Variants in PLCL2 observed in about 807,000 individuals in gnomAD.
PLCL2 encodes the protein phospholipase C like 2.
In PLCL2, 4 loss-of-function variants were observed where a neutral mutation model predicts 79.6. The observed-to-expected ratio is 0.05, with a 90% confidence interval of 0.02 to 0.11. The LOEUF is 0.11. Among genes scored for constraint, PLCL2 ranks in the 10% least tolerant of loss-of-function variants. The pLI is 1.00. For missense variants in PLCL2, 895 were observed against 1,291.0 expected (o/e 0.69, Z 4.70); for synonymous variants, 484 against 457.7 (o/e 1.06, Z -0.73).
At chr3:16,980,391 C>T (rs1327998935) in intron 1 of PLCL2, among the ~76,000 whole-genome samples, 8 of 148,046 alleles carry the variant, frequency 5.4e-5, no homozygotes, top group Admixed American at 1.3e-4. Flanking sequence ...GGGCGGCTGC[C>T]GGCCGGAGGG....
chr3:17,050,510 A>G (rs1313070925), intron 4 of PLCL2, among the ~76,000 whole-genome samples: 2 of 152,232 alleles, frequency 1.3e-5, no homozygotes, highest in Non-Finnish European at 2.9e-5. Context: ...TTCTCAAAAG[A>G]AGACATACAA....
At chr3:16,932,616 C>T (rs992768094) in intron 1 of PLCL2, among the ~76,000 whole-genome samples, 1 of 152,150 alleles carries the variant, frequency 6.6e-6, no homozygotes, top group Non-Finnish European at 1.5e-5. Flanking sequence ...CATTGCAGTT[C>T]TCTTTTTGGA....
At chr3:17,005,576 C>G (rs1195021625) in intron 1 of PLCL2, among the ~76,000 whole-genome samples, 1 of 152,072 alleles carries the variant, frequency 6.6e-6, no homozygotes, top group African/African-American at 2.4e-5. Flanking sequence ...AAATATGAGT[C>G]GTATAAACAT....
At chr3:17,088,587 A>G (rs1438504747) in intron 5 of PLCL2, among the ~76,000 whole-genome samples, 1 of 152,212 alleles carries the variant, frequency 6.6e-6, no homozygotes, top group East Asian at 1.9e-4. Context: ...GCACCACATC[A>G]TCTCTTCTGC....
intron 2 of PLCL2, among the ~76,000 whole-genome samples, chr3:17,014,379 A>G (rs764183946): frequency 6.6e-6 from 1 of 152,106 alleles, no homozygotes; most frequent in Non-Finnish European, 1.5e-5. Flanking sequence ...TGCAGAAGCT[A>G]TTCGCTCTGT....
At chr3:16,898,560 G>C (rs1696539659) in intron 1 of PLCL2, among the ~76,000 whole-genome samples, 2 of 152,340 alleles carry the variant, frequency 1.3e-5, no homozygotes, top group African/African-American at 4.8e-5. Flanking sequence ...TAGCCACATA[G>C]CAAGCGTTCT....
intron 3 of PLCL2, among the ~76,000 whole-genome samples, chr3:17,018,548 G>T (rs906662304): frequency 1.3e-5 from 2 of 151,948 alleles, no homozygotes; most frequent in African/African-American, 4.8e-5. Flanking sequence ...TTTTTCAACA[G>T]ATGGGGCCTG....
At chr3:17,088,290 G>T (rs753917044) in intron 5 of PLCL2, among the ~76,000 whole-genome samples, 1 of 152,128 alleles carries the variant, frequency 6.6e-6, no homozygotes, top group East Asian at 1.9e-4. Flanking sequence ...CTGCTGGACA[G>T]GAATGCCTTA....
intron 1 of PLCL2, among the ~76,000 whole-genome samples, chr3:16,893,259 C>A (rs866524833): frequency 6.6e-6 from 1 of 152,016 alleles, no homozygotes; most frequent in South Asian, 2.1e-4. Flanking sequence ...TCTTTTTTAA[C>A]AAAAAGTTGA....
intron 4 of PLCL2, among the ~76,000 whole-genome samples, chr3:17,059,633 T>C (rs552652556): frequency 6.6e-6 from 1 of 152,178 alleles, no homozygotes; most frequent in South Asian, 2.1e-4. Context: ...TGTGTGTTAT[T>C]TGCTAACATT....
chr3:17,067,963 A>G lies in PLCL2; in HGVS notation c.3102A>G (p.Glu1034=), dbSNP rs762617543. The change falls in exon 5 of 6, where the codon GAA becomes GAG. Residue 1034 remains glutamate, a synonymous_variant. Transcript: ENST00000615277. The part of the protein sequence containing the change: ...KIVHCQKAAM[E]FHEHLHSIGT... ...CTTTTTTATTTCTTTCAGCCATGGA[A>G]TTCCATGAACACTTGCACAGCATAG... The G allele has an allele frequency of 3.1e-6, 5 of 1,595,854 alleles. 1 individual carries two copies. The highest frequency in any genetic ancestry group is 4.3e-6 in the Non-Finnish European group (5 of 1,166,842).
intron 1 of PLCL2, among the ~76,000 whole-genome samples, chr3:16,956,510 C>T (rs2063707041): frequency 6.6e-6 from 1 of 152,128 alleles, no homozygotes; most frequent in Admixed American, 6.5e-5. Context: ...TGTGTCTCTG[C>T]CAGGCTTTGG....
intron 1 of PLCL2, among the ~76,000 whole-genome samples, chr3:16,910,478 TCTC>T (rs1250984162): frequency 6.6e-6 from 1 of 152,062 alleles, no homozygotes; most frequent in Non-Finnish European, 1.5e-5. Context: ...CTCTCCCAGT[TCTC>T]CTCCTGTCTC....
intron 1 of PLCL2, among the ~76,000 whole-genome samples, chr3:17,005,540 A>T (rs4452313): frequency 0.4 from 60,651 of 152,074 alleles, 13,229 homozygotes; most frequent in African/African-American, 0.58. Context: ...ATAGGACTCA[A>T]TATGGCTATT....
At chr3:16,982,904 C>T (rs2064014747) in intron 1 of PLCL2, among the ~76,000 whole-genome samples, 1 of 152,078 alleles carries the variant, frequency 6.6e-6, no homozygotes, top group South Asian at 2.1e-4. Context: ...ATTTTTATTT[C>T]TGTATAACTG....
At chr3:17,080,002 G>A (rs1270956827) in intron 5 of PLCL2, among the ~76,000 whole-genome samples, 3 of 152,170 alleles carry the variant, frequency 2.0e-5, no homozygotes, top group Non-Finnish European at 4.4e-5. Context: ...TTCCGCTCCT[G>A]CACAGAACCC....
rs993337404 is a variant in PLCL2 at position 16,982,762 on chromosome 3, G to A, written c.328-26912G>A. Among the ~76,000 whole-genome samples, 4 of 151,948 alleles carry A rather than the reference G, an allele frequency of 2.6e-5. No individual in the cohort carries two copies. In the East Asian group the frequency reaches 7.7e-4, roughly 29 times the overall value. Reference sequence around the variant, plus strand: ...TTCCTTTACTGAAAAGAGAAAAGCTGTTCTACAGCTACGTATTTTCTTATT... The same window carrying A: ...TTCCTTTACTGAAAAGAGAAAAGCTATTCTACAGCTACGTATTTTCTTATT... On this transcript the variant is annotated intron_variant, in intron 1 of 5. Coordinates refer to ENST00000615277, the MANE Select transcript of PLCL2 (RefSeq NM_001144382.2).
At chr3:16,979,705 A>T (rs1470449282) in intron 1 of PLCL2, among the ~76,000 whole-genome samples, 2 of 146,542 alleles carry the variant, frequency 1.4e-5, no homozygotes, top group African/African-American at 5.1e-5. Flanking sequence ...TTCTTAGTAC[A>T]GAACAAAATG....
intron 1 of PLCL2, among the ~76,000 whole-genome samples, chr3:16,970,221 C>G (rs1248290325): frequency 6.6e-6 from 1 of 151,518 alleles, no homozygotes; most frequent in African/African-American, 2.4e-5. Context: ...CTCCCCCCAG[C>G]CCACAACAGT....
Sources: allele counts gnomAD v4.1 joint callset (sites outside exome capture counted in the v4.1 genomes callset), GRCh38; gene constraint gnomAD v4.1.1; transcripts MANE v1.5; gene names NCBI Gene and HGNC (gene_info 2026-07-23, HGNC 2026-07-21).